Variants in SDK1 observed in about 807,000 individuals in gnomAD.
The protein encoded by SDK1 is protein sidekick-1.
A neutral mutation model predicts 245.5 loss-of-function variants in SDK1; 157 were observed. That is an observed-to-expected ratio of 0.64 (90% CI 0.56 to 0.73). SDK1 has a LOEUF of 0.73. Among genes scored for constraint, SDK1 ranks in the 30% least tolerant of loss-of-function variants. The pLI, the probability that SDK1 is intolerant of heterozygous loss-of-function variation, is 0.00. For missense variants in SDK1, 3,583 were observed against 3,002.3 expected (o/e 1.19, Z -4.52); for synonymous variants, 1,647 against 1,278.5 (o/e 1.29, Z -6.15).
At chr7:3,665,648 G>A (rs948920242) in intron 4 of SDK1, among the ~76,000 whole-genome samples, 1 of 152,126 alleles carries the variant, frequency 6.6e-6, no homozygotes, top group Non-Finnish European at 1.5e-5. Flanking sequence ...CACAGCAAGA[G>A]GCAACTAGAA....
At chr7:3,381,987 TTAAAG>T (rs1243991350) in intron 1 of SDK1, among the ~76,000 whole-genome samples, 1 of 152,220 alleles carries the variant, frequency 6.6e-6, no homozygotes, top group African/African-American at 2.4e-5. Flanking sequence ...ACCGTTCGTC[TTAAAG>T]TAATTTATAA....
At chr7:3,749,477 C>G (rs1376095060) in intron 4 of SDK1, among the ~76,000 whole-genome samples, 1 of 152,118 alleles carries the variant, frequency 6.6e-6, no homozygotes, top group Non-Finnish European at 1.5e-5. Context: ...TTTTTTGTAT[C>G]TTTAGTAGAG....
intron 32 of SDK1, among the ~76,000 whole-genome samples, chr7:4,162,955 C>T (rs147516935): frequency 9.2e-5 from 14 of 152,286 alleles, no homozygotes; most frequent in Middle Eastern, 3.4e-3. Context: ...AAGAGTGGGG[C>T]GGGGAGCTGT....
At chr7:4,232,589 A>T (rs1785866366) in intron 40 of SDK1, among the ~76,000 whole-genome samples, 1 of 151,586 alleles carries the variant, frequency 6.6e-6, no homozygotes, top group Admixed American at 6.6e-5. Flanking sequence ...CAGCCTCTTG[A>T]GTAGTAGTAG....
At chr7:3,758,840 T>A (rs1332842846) in intron 4 of SDK1, among the ~76,000 whole-genome samples, 1 of 152,216 alleles carries the variant, frequency 6.6e-6, no homozygotes, top group Non-Finnish European at 1.5e-5. Flanking sequence ...AACAGGTATA[T>A]GTATTCCAAC....
At chr7:3,925,259 A>G (rs1779729111) in intron 5 of SDK1, among the ~76,000 whole-genome samples, 1 of 152,208 alleles carries the variant, frequency 6.6e-6, no homozygotes, top group African/African-American at 2.4e-5. Flanking sequence ...TCCAGGAAGA[A>G]CCTTTGATAA....
chr7:3,457,750 G>GCT (rs1393661367), intron 1 of SDK1, among the ~76,000 whole-genome samples: 2 of 152,130 alleles, frequency 1.3e-5, no homozygotes, highest in Admixed American at 1.3e-4. Context: ...CTTCCAGACA[G>GCT]CTCTCATCTT....
rs369060030 is a variant in SDK1 at position 3,803,709 on chromosome 7, A to C, written c.714-17741A>C. 5.4e-5 allele frequency among the ~76,000 whole-genome samples: 8 copies of C among 149,206 alleles called. 1 individual carries two copies. The East Asian group carries it at 5.9e-4, about 11-fold the overall frequency. ...ATGCTTTATCAAATTTGTGTTTTGC[A>C]GATATTTTCTTCCAGTTTGCAACTG... On this transcript the variant is annotated intron_variant, in intron 4 of 44. Transcript: ENST00000404826.
intron 1 of SDK1, among the ~76,000 whole-genome samples, chr7:3,431,772 C>G (rs1417717195): frequency 2.0e-5 from 3 of 152,076 alleles, no homozygotes; most frequent in Non-Finnish European, 2.9e-5. Context: ...CTGTCTATGT[C>G]TTCATATGTA....
In SDK1 at chr7:4,238,161, C is replaced by T. The variant is rs1380332797; in HGVS notation, c.6130+377C>T. On this transcript the variant is annotated intron_variant, in intron 42 of 44. Coordinates refer to ENST00000404826, the MANE Select transcript of SDK1 (RefSeq NM_152744.4). ...CTGGCACAATCTCGGCTCACAGCAA[C>T]CTCTGTCTCCTGCATTCAAGTGATT... Among the ~76,000 whole-genome samples the T allele has an allele frequency of 2.6e-5, 4 of 152,032 alleles. No individual in the cohort carries two copies. In the East Asian group the frequency reaches 7.7e-4, roughly 29 times the overall value.
At chr7:3,730,405 T>C (rs1779143963) in intron 4 of SDK1, among the ~76,000 whole-genome samples, 1 of 152,178 alleles carries the variant, frequency 6.6e-6, no homozygotes, top group Admixed American at 6.5e-5. Flanking sequence ...TTTGCCAAGA[T>C]TCTGAATCTT....
intron 4 of SDK1, among the ~76,000 whole-genome samples, chr7:3,720,963 G>C (rs1785349902): frequency 6.6e-6 from 1 of 152,202 alleles, no homozygotes; most frequent in South Asian, 2.1e-4. Context: ...GACCTCAAGA[G>C]AGTTATATTG....
At chr7:4,133,079 AC>A (rs1207647615) in intron 28 of SDK1, among the ~76,000 whole-genome samples, 2 of 152,142 alleles carry the variant, frequency 1.3e-5, no homozygotes, top group Non-Finnish European at 2.9e-5. Context: ...GAAGATGCAG[AC>A]CTAGCCTTGG....
chr7:3,858,601 G>C (rs898978927), intron 5 of SDK1, among the ~76,000 whole-genome samples: 1 of 151,860 alleles, frequency 6.6e-6, no homozygotes, highest in African/African-American at 2.4e-5. Flanking sequence ...ATAAGACCCA[G>C]GGTTTTTTGT....
chr7:4,162,356 G>GGTT (rs373778675), intron 32 of SDK1, among the ~76,000 whole-genome samples: 22,285 of 120,798 alleles, frequency 0.18, 2,307 homozygotes, highest in East Asian at 0.25. Context: ...TGGTGGTGGT[G>GGTT]GTTGTTGTTG....
intron 5 of SDK1, among the ~76,000 whole-genome samples, chr7:3,868,760 G>A (rs1257516542): frequency 1.3e-5 from 2 of 152,214 alleles, no homozygotes; most frequent in East Asian, 3.9e-4. Flanking sequence ...GGGTACATCT[G>A]TTACCTTTAA....
chr7:4,045,526 G>A (rs556727320), intron 17 of SDK1, among the ~76,000 whole-genome samples: 4 of 152,232 alleles, frequency 2.6e-5, no homozygotes, highest in Admixed American at 2.0e-4. Context: ...GATTACAAGT[G>A]TGAGCCACTA....
intron 17 of SDK1, among the ~76,000 whole-genome samples, chr7:4,044,026 T>G (rs542909341): frequency 6.6e-6 from 1 of 152,222 alleles, no homozygotes; most frequent in Non-Finnish European, 1.5e-5. Flanking sequence ...ATTGTTCTGG[T>G]CATCTATTGC....
At chr7:3,533,345 G>T (rs1783413006) in intron 1 of SDK1, among the ~76,000 whole-genome samples, 1 of 152,198 alleles carries the variant, frequency 6.6e-6, no homozygotes, top group South Asian at 2.1e-4. Flanking sequence ...CGCTGATAAA[G>T]ATGAGAGGAC....
Sources: allele counts gnomAD v4.1 joint callset (sites outside exome capture counted in the v4.1 genomes callset), GRCh38; gene constraint gnomAD v4.1.1; transcripts MANE v1.5; gene names NCBI Gene and HGNC (gene_info 2026-07-23, HGNC 2026-07-21).